WDFY4: variants seen among roughly 807,000 people sequenced by gnomAD.
The protein encoded by WDFY4 is WDFY family member 4.
WDFY4 carries 169 observed loss-of-function variants against 351.9 expected under a neutral mutation model. That is an observed-to-expected ratio of 0.48 (90% CI 0.42 to 0.55). The LOEUF (loss-of-function observed/expected upper bound fraction) is 0.55, where lower values mean the gene tolerates loss of function less well. WDFY4 is among the 20% of genes least tolerant of loss of function. The pLI, the probability that WDFY4 is intolerant of heterozygous loss-of-function variation, is 0.00. For synonymous variants in WDFY4, 1,622 were observed against 1,574.6 expected (o/e 1.03, Z -0.71); for missense variants, 3,803 against 3,935.6 (o/e 0.97, Z 0.90).
chr10:48,732,780 T>C (rs2064510395), intron 9 of WDFY4, among the ~76,000 whole-genome samples: 1 of 152,240 alleles, frequency 6.6e-6, no homozygotes, highest in Non-Finnish European at 1.5e-5. Context: ...CTTGTCCCTA[T>C]AGTTCCAGTG....
chr10:48,807,092 C>T (rs1172560172), intron 27 of WDFY4, among the ~76,000 whole-genome samples: 1 of 152,132 alleles, frequency 6.6e-6, no homozygotes, highest in African/African-American at 2.4e-5. Context: ...AAGATGGGAC[C>T]AAAATCTGAA....
chr10:48,863,159 C>T (rs2069404207), intron 39 of WDFY4, among the ~76,000 whole-genome samples: 1 of 152,122 alleles, frequency 6.6e-6, no homozygotes. Context: ...TTGCTATAAA[C>T]ATTCATGTAT....
chr10:48,969,346 T>C (rs1842231893), intron 56 of WDFY4, 98 bp downstream of exon 56: 1 of 1,382,880 alleles, frequency 7.2e-7, no homozygotes, highest in East Asian at 2.5e-5. Context: ...CAAAGCAACC[T>C]CGCTCACTTT....
At chr10:48,904,577 C>CT (rs1201802636) in intron 47 of WDFY4, among the ~76,000 whole-genome samples, 1 of 152,160 alleles carries the variant, frequency 6.6e-6, no homozygotes, top group African/African-American at 2.4e-5. Context: ...GAGGATTTTA[C>CT]TTGGCCTGGC....
In WDFY4 at chr10:48,832,594, C is replaced by T; in HGVS notation, c.6548C>T (p.Ala2183Val). ...TCAGCATCTGAGAAGAAGTCACTGG[C>T]AAGTCGTTCAAATGTTGCACACCAC... ...HYLASEKKSL[A>V]SRSNVAHHSK... Residue 2183 changes from alanine (A) to valine (V), a missense_variant, in exon 39 of 62, where the codon GCA becomes GTA. By Grantham distance (64) the Ala-to-Val change is moderately conservative. Around this residue, in one of 3 missense-constraint regions of WDFY4, gnomAD observed 3,054 missense variants for 3,148.6 expected, o/e 0.97. Coordinates refer to ENST00000325239, the MANE Select transcript of WDFY4 (RefSeq NM_001394531.1). 1.9e-6 allele frequency: 3 copies of T among 1,547,322 alleles called. No homozygotes were observed. The highest frequency in any genetic ancestry group is 1.7e-6 in the Non-Finnish European group (2 of 1,144,212).
chr10:48,716,850 G>A (rs1020115629), intron 2 of WDFY4, among the ~76,000 whole-genome samples: 2 of 152,184 alleles, frequency 1.3e-5, no homozygotes, highest in Admixed American at 6.5e-5. Context: ...TCGTAGCAGC[G>A]TTCTCATTTC....
intron 21 of WDFY4, among the ~76,000 whole-genome samples, chr10:48,789,016 A>C (rs2066589725): frequency 6.6e-6 from 1 of 151,134 alleles, no homozygotes; most frequent in African/African-American, 2.5e-5. Context: ...ATATTCTTTG[A>C]GTTGTTGTGA....
chr10:48,948,304 G>T (rs928171056), intron 51 of WDFY4, among the ~76,000 whole-genome samples: 4 of 152,188 alleles, frequency 2.6e-5, no homozygotes, highest in Admixed American at 1.3e-4. Context: ...AGTAAGTTTG[G>T]TTTGGAGAAC....
chr10:48,856,016 C>G (rs1411831784), intron 39 of WDFY4, among the ~76,000 whole-genome samples: 1 of 151,994 alleles, frequency 6.6e-6, no homozygotes, highest in African/African-American at 2.4e-5. Context: ...TGGAACGTGT[C>G]CCCTGAAGGT....
intron 12 of WDFY4, among the ~76,000 whole-genome samples, chr10:48,744,224 G>A (rs569607522): frequency 6.6e-6 from 1 of 152,304 alleles, no homozygotes; most frequent in Non-Finnish European, 1.5e-5. Flanking sequence ...AACAGTAACA[G>A]TTGGTGTCTT....
chr10:48,868,713 A>G (rs529467358), intron 40 of WDFY4, among the ~76,000 whole-genome samples: 1 of 152,278 alleles, frequency 6.6e-6, no homozygotes, highest in East Asian at 1.9e-4. Flanking sequence ...CCATTTTGAG[A>G]TGGAGGATGT....
intron 39 of WDFY4, among the ~76,000 whole-genome samples, chr10:48,850,305 A>C (rs2068915015): frequency 1.3e-5 from 2 of 152,318 alleles, no homozygotes; most frequent in South Asian, 4.1e-4. Context: ...ATTCTTCTCT[A>C]AGGAAGTTTT....
rs569945842 is a variant in WDFY4, at chr10:48,774,279, C to T, written c.2554-179C>T. Among the ~76,000 whole-genome samples the T allele has an allele frequency of 6.9e-3, 1,049 of 152,044 alleles. 7 individuals are homozygous for T. The highest frequency in any genetic ancestry group is 0.023 in the African/African-American group (967 of 41,474). On this transcript the variant is annotated intron_variant, in intron 13 of 61. Coordinates refer to ENST00000325239, the MANE Select transcript of WDFY4 (RefSeq NM_001394531.1). ...GGCTGCCTCCCACAGACTTGCCCCC[C>T]GCCAGGTGAGGAGGGCACTGGAAGA...
intron 47 of WDFY4, among the ~76,000 whole-genome samples, chr10:48,928,628 G>A (rs941131971): frequency 7.9e-5 from 12 of 152,184 alleles, no homozygotes; most frequent in Non-Finnish European, 1.5e-4. Context: ...CTCGTATCAT[G>A]CTGGGGCATC....
chr10:48,755,764 T>C (rs1485899570), intron 12 of WDFY4, among the ~76,000 whole-genome samples: 1 of 152,160 alleles, frequency 6.6e-6, no homozygotes, highest in Non-Finnish European at 1.5e-5. Flanking sequence ...CTTTGTAAGA[T>C]ATCAAATGCA....
intron 2 of WDFY4, among the ~76,000 whole-genome samples, chr10:48,710,443 A>G (rs2063740386): frequency 1.3e-5 from 2 of 152,240 alleles, no homozygotes; most frequent in South Asian, 4.1e-4. Flanking sequence ...GTGTCATGCC[A>G]AAGATGACAA....
intron 47 of WDFY4, among the ~76,000 whole-genome samples, chr10:48,937,996 G>A (rs1325419800): frequency 3.3e-5 from 5 of 152,166 alleles, no homozygotes; most frequent in Non-Finnish European, 7.3e-5. Flanking sequence ...GCCTGGCAAT[G>A]GCCAAGCTGG....
intron 43 of WDFY4, among the ~76,000 whole-genome samples, chr10:48,887,801 C>G (rs1030691984): frequency 1.3e-5 from 2 of 151,084 alleles, no homozygotes; most frequent in African/African-American, 4.9e-5. Context: ...AAAATTTATG[C>G]TTCAGATTTA....
At chr10:48,881,514 C>T (rs1265040641) in intron 43 of WDFY4, among the ~76,000 whole-genome samples, 1 of 152,160 alleles carries the variant, frequency 6.6e-6, no homozygotes, top group Non-Finnish European at 1.5e-5. Flanking sequence ...AAACCAAACA[C>T]AAGGTTTTGG....
Sources: gnomAD v4.1 joint callset for allele counts (sites outside exome capture counted in the v4.1 genomes callset) on GRCh38, gnomAD v4.1.1 for gene constraint, gnomAD v4.1.1 regional missense constraint, MANE v1.5 for transcripts, NCBI Gene and HGNC (gene_info 2026-07-23, HGNC 2026-07-21) for gene names.